Variants in FHIP1A observed in about 807,000 individuals in gnomAD.
The protein encoded by FHIP1A is FHF complex subunit HOOK-interacting protein 1A.
Under a neutral mutation model 88.6 loss-of-function variants are expected in FHIP1A, and 61 were observed. The ratio of observed to expected loss-of-function variants is 0.69; its 90% CI spans 0.56 to 0.85. FHIP1A has a LOEUF of 0.85. Ranked by LOEUF, FHIP1A falls within the 40% of genes least tolerant of loss-of-function variation. The pLI is 0.00. For synonymous variants in FHIP1A, 478 were observed against 496.0 expected, an observed-to-expected ratio of 0.96 and a Z score of 0.48; for missense variants, 1,154 against 1,273.5, an observed-to-expected ratio of 0.91 and a Z score of 1.43.
intron 1 of FHIP1A, among the ~76,000 whole-genome samples, chr4:151,443,869 T>A (rs984594512): frequency 6.6e-6 from 1 of 152,126 alleles, no homozygotes; most frequent in Non-Finnish European, 1.5e-5. Context: ...TCAGTTTCTT[T>A]AGAAATGAAC....
rs186931138 is a variant in FHIP1A, at chr4:151,552,758, G to A, written c.-122-13380G>A. On this transcript the variant is annotated intron_variant, in intron 3 of 13. Transcript: ENST00000435205. ...ATTAATGGGTGCAGCAAACCAACAC[G>A]GCACATGTATACATATGTAACAAAC... Among the ~76,000 whole-genome samples the A allele has an allele frequency of 4.6e-5, 7 of 150,940 alleles. No individual in the cohort carries two copies. The East Asian group carries it at 1.4e-3, about 29-fold the overall frequency.
At position 151,656,914 on chromosome 4, in the gene FHIP1A, C is replaced by T. The variant is rs766980239; in HGVS notation, c.2869+16C>T. ...CTAACCAAAGGTAAGCCAGGTTTCT[C>T]CACAGCGCCCCTCCTTAAATTCCTC... is the stretch of plus-strand genomic sequence containing the variant. On this transcript the variant is annotated intron_variant, in intron 13 of 13. Transcript: ENST00000435205. This position sits in a 1 kb window ranked among gnomAD's most constrained non-coding sequence, Gnocchi z 4.2. 7 of 1,542,766 alleles carry T rather than the reference C, an allele frequency of 4.5e-6. No homozygotes were observed. Among genetic ancestry groups the T allele is most frequent in the South Asian group, 1.2e-5 (1 of 83,074 alleles).
At chr4:151,446,413 T>C (rs1349588593) in intron 1 of FHIP1A, among the ~76,000 whole-genome samples, 1 of 151,988 alleles carries the variant, frequency 6.6e-6, no homozygotes, top group Non-Finnish European at 1.5e-5. Flanking sequence ...GGATATACTG[T>C]ACATATACAC....
At chr4:151,565,449 C>G (rs1319475509) in intron 3 of FHIP1A, among the ~76,000 whole-genome samples, 1 of 152,086 alleles carries the variant, frequency 6.6e-6, no homozygotes, top group Non-Finnish European at 1.5e-5. Flanking sequence ...TTTGATGGAT[C>G]ATTTCTATCT....
chr4:151,650,499 G>T lies in FHIP1A; in HGVS notation c.2458G>T (p.Ala820Ser). Residue 820 changes from alanine to serine, a missense_variant, in exon 11 of 14, where the codon GCT (alanine) becomes TCT (serine). Coordinates refer to ENST00000435205, the MANE Select transcript of FHIP1A (RefSeq NM_001109977.3). ...DFDSFIAEMP[A>S]VETVPSPFVG... ...TGACTCTTTTATAGCGGAGATGCCT[G>T]CTGTAGAGACTGTGCCTTCCCCATT... The T allele has an allele frequency of 6.4e-7, 1 of 1,551,620 alleles. No individual in the cohort carries two copies.
chr4:151,416,014 A>G (rs1405321116), intron 1 of FHIP1A, among the ~76,000 whole-genome samples: 1 of 152,030 alleles, frequency 6.6e-6, no homozygotes, highest in East Asian at 1.9e-4. Context: ...CAGAAAATCC[A>G]CTAGGTTTTG....
intron 2 of FHIP1A, among the ~76,000 whole-genome samples, chr4:151,456,415 G>C (rs574136827): frequency 3.3e-5 from 5 of 152,152 alleles, no homozygotes; most frequent in Non-Finnish European, 7.3e-5. Context: ...TGGAACTCAA[G>C]TGAGGAGAGT....
intron 3 of FHIP1A, among the ~76,000 whole-genome samples, chr4:151,491,732 C>G (rs1431535175): frequency 6.6e-6 from 1 of 152,130 alleles, no homozygotes; most frequent in African/African-American, 2.4e-5. Context: ...AACCAAGTAT[C>G]TGCTGTCTTC....
intron 4 of FHIP1A, among the ~76,000 whole-genome samples, chr4:151,573,832 G>A (rs964703567): frequency 7.2e-5 from 11 of 151,966 alleles, no homozygotes; most frequent in African/African-American, 2.7e-4. Flanking sequence ...ATGAAAAGAG[G>A]GCACAAAAGG....
intron 6 of FHIP1A, 36 bp downstream of exon 6, chr4:151,586,835 C>A: frequency 6.8e-7 from 1 of 1,467,430 alleles, no homozygotes; most frequent in Non-Finnish European, 9.2e-7. Context: ...TTTGCTATGG[C>A]TTCATTCAGA....
intron 7 of FHIP1A, among the ~76,000 whole-genome samples, chr4:151,596,552 A>C (rs1734657585): frequency 6.6e-6 from 1 of 151,916 alleles, no homozygotes; most frequent in Non-Finnish European, 1.5e-5. Context: ...GTATTTTCTG[A>C]ATTTGAATGT....
intron 7 of FHIP1A, among the ~76,000 whole-genome samples, chr4:151,594,961 CT>C (rs1734592233): frequency 6.6e-6 from 1 of 152,114 alleles, no homozygotes; most frequent in Non-Finnish European, 1.5e-5. Flanking sequence ...TTTTGTTAAT[CT>C]TTTCAAAAAA....
At chr4:151,446,484 C>T (rs1460084088) in intron 1 of FHIP1A, among the ~76,000 whole-genome samples, 13 of 136,544 alleles carry the variant, frequency 9.5e-5, no homozygotes, top group East Asian at 2.1e-4. Flanking sequence ...TTTCCTTTTC[C>T]TTTTTTTTTT....
chr4:151,623,521 C>CTTTTTTT (rs747837424), intron 7 of FHIP1A, among the ~76,000 whole-genome samples: 1 of 88,202 alleles, frequency 1.1e-5, no homozygotes, highest in Non-Finnish European at 2.2e-5. Flanking sequence ...CTTCCTGGTC[C>CTTTTTTT]TTTTTTTTTT....
At chr4:151,438,779 T>C (rs1475225984) in intron 1 of FHIP1A, among the ~76,000 whole-genome samples, 1 of 151,740 alleles carries the variant, frequency 6.6e-6, no homozygotes, top group Non-Finnish European at 1.5e-5. Flanking sequence ...GTAGCTGTGA[T>C]TACAAGTACA....
chr4:151,560,078 C>G (rs1733112571), intron 3 of FHIP1A, among the ~76,000 whole-genome samples: 1 of 152,092 alleles, frequency 6.6e-6, no homozygotes, highest in African/African-American at 2.4e-5. Context: ...AAAACTACAG[C>G]CACCTCTCTT....
chr4:151,597,405 C>T (rs1057059902), intron 7 of FHIP1A, among the ~76,000 whole-genome samples: 2 of 152,156 alleles, frequency 1.3e-5, no homozygotes, highest in African/African-American at 2.4e-5. Context: ...CTGGAAGCTT[C>T]GTCCCAGAGG....
chr4:151,469,877 C>T (rs1184609074), intron 2 of FHIP1A, among the ~76,000 whole-genome samples: 2 of 152,158 alleles, frequency 1.3e-5, no homozygotes, highest in Non-Finnish European at 2.9e-5. Context: ...CAGCTGGTGG[C>T]ATCACCTCAT....
At chr4:151,564,504 G>T (rs1733302814) in intron 3 of FHIP1A, among the ~76,000 whole-genome samples, 3 of 152,178 alleles carry the variant, frequency 2.0e-5, no homozygotes, top group African/African-American at 7.2e-5. Context: ...GGGACTGTGG[G>T]GACGGGAGAA....
Sources: gnomAD v4.1 joint callset for allele counts (sites outside exome capture counted in the v4.1 genomes callset) on GRCh38, gnomAD v4.1.1 for gene constraint, Gnocchi (gnomAD v3.1) non-coding constraint, MANE v1.5 for transcripts, NCBI Gene and HGNC (gene_info 2026-07-23, HGNC 2026-07-21) for gene names.